The following MCOLN2 variants were observed in gnomAD, a reference collection of about 807,000 sequenced individuals.
MCOLN2 encodes mucolipin-2.
MCOLN2 carries 57 observed loss-of-function variants against 67.5 expected under a neutral mutation model. The ratio of observed to expected loss-of-function variants is 0.84; its 90% confidence interval spans 0.68 to 1.05. The LOEUF is 1.05. MCOLN2 is among the 50% of genes least tolerant of loss of function. MCOLN2 has a pLI of 0.00. For synonymous variants in MCOLN2, 246 were observed against 233.3 expected (o/e 1.05, Z -0.50); for missense variants, 620 against 678.8 (o/e 0.91, Z 0.96).
intron 6 of MCOLN2, 35 bp downstream of exon 6, chr1:84,952,208 T>C: frequency 2.7e-6 from 4 of 1,457,190 alleles, no homozygotes; most frequent in Non-Finnish European, 3.8e-6. Flanking sequence ...AGGAAAAAAA[T>C]AAAAGGAAGT....
chr1:84,947,142 C>T lies in MCOLN2; in HGVS notation c.748-10G>A, dbSNP rs1162432032. 1 of 1,348,260 alleles carries T rather than the reference C, an allele frequency of 7.4e-7. No homozygotes were observed. Among genetic ancestry groups the T allele is most frequent in the Non-Finnish European group, 1.1e-6 (1 of 939,986 alleles). 83.5% of individuals were successfully genotyped at this position (1,348,260 alleles called of 1,614,324 possible). ...TATTGTCAAAGATAATCTGGAGACACAAATGTATAGCGAGATTACAACACA... is the reference window on the plus strand; with the variant it reads ...TATTGTCAAAGATAATCTGGAGACATAAATGTATAGCGAGATTACAACACA... On this transcript the variant is annotated splice_polypyrimidine_tract_variant and intron_variant, in intron 6 of 13. Transcript: ENST00000370608.
chr1:84,988,367 A>T (rs1348301567), intron 1 of MCOLN2, among the ~76,000 whole-genome samples: 1 of 152,084 alleles, frequency 6.6e-6, no homozygotes, highest in Admixed American at 6.6e-5. Flanking sequence ...GAGGATTTTT[A>T]AAATATTTCA....
rs145089427 is a variant in MCOLN2 at position 84,952,447 on chromosome 1, G to A, written c.649C>T (p.Arg217Trp). ...AATAACACTTTAAAATGTATTTACC[G>A]ATAAAATTCCAGTCTGAAGAATGAT... ...NSSFFRLEFYRLLQVEISFHL... is the reference protein window; with the variant it reads ...NSSFFRLEFYWLLQVEISFHL... The change falls in exon 5 of 14, where the codon CGG becomes TGG. Residue 217 changes from arginine (R) to tryptophan (W), a missense_variant and splice_region_variant. Arg to Trp is a moderately radical substitution (Grantham distance 101). Transcript: ENST00000370608. 7.0e-5 allele frequency: 112 copies of A among 1,608,700 alleles called. No individual in the cohort carries two copies. The highest frequency in any genetic ancestry group is 6.6e-4 in the Middle Eastern group (4 of 6,074).
chr1:84,950,276 T>C (rs896635331), intron 6 of MCOLN2, among the ~76,000 whole-genome samples: 1 of 152,220 alleles, frequency 6.6e-6, no homozygotes, highest in Non-Finnish European at 1.5e-5. Flanking sequence ...TTTTACTAAA[T>C]ACAGGATATC....
Position 84,931,408 on chromosome 1 carries a change from A to G in MCOLN2, c.1496T>C (p.Leu499Pro). 1 of 1,596,754 alleles carries G rather than the reference A, an allele frequency of 6.3e-7. No individual in the cohort carries two copies. Among genetic ancestry groups the G allele is most frequent in the Non-Finnish European group, 8.6e-7 (1 of 1,164,346 alleles). ...SFISLFIYMI[L>P]SLFIALITDS... ...TGTAATAAGTGCAATAAAAAGACTG[A>G]GAATCATATATATAAAAAGGCTGAT... The change falls in exon 12 of 14, where the codon CTC (leucine) becomes CCC (proline). Residue 499 changes from leucine to proline, a missense_variant. Physicochemically the swap from Leu to Pro is moderately conservative, Grantham distance 98. Coordinates refer to ENST00000370608, the MANE Select transcript of MCOLN2 (RefSeq NM_153259.4).
In MCOLN2 at chr1:84,926,741, A is replaced by G. The variant is rs769405574; in HGVS notation, c.1665-20T>C. On this transcript the variant is annotated intron_variant, in intron 13 of 13. Coordinates refer to ENST00000370608, the MANE Select transcript of MCOLN2 (RefSeq NM_153259.4). ...CTTTTCCTGTAACAGAAAGGGAAAG[A>G]AGAAAAGAGGAAAGATACAATACTT... 3.2e-6 allele frequency: 5 copies of G among 1,583,254 alleles called. No individual in the cohort carries two copies. The Admixed American group carries it at 6.8e-5, about 22-fold the overall frequency.
At chr1:84,937,527 A>C (rs1214192645) in intron 11 of MCOLN2, 2 of 1,147,134 alleles carry the variant, frequency 1.7e-6, no homozygotes, top group African/African-American at 3.2e-5. Flanking sequence ...AGTCCCAGAC[A>C]ACTATAATAC....
intron 3 of MCOLN2, 129 bp downstream of exon 3, chr1:84,958,400 A>AT (rs1648901816): frequency 1.5e-6 from 1 of 661,528 alleles, no homozygotes; most frequent in South Asian, 2.7e-5. Flanking sequence ...AGCAATAAAC[A>AT]TTTTTTGGCA....
chr1:84,970,332 T>C (rs1649608189), intron 1 of MCOLN2, among the ~76,000 whole-genome samples: 1 of 146,464 alleles, frequency 6.8e-6, no homozygotes, highest in South Asian at 2.2e-4. Context: ...GAAGAAGTTG[T>C]TTTCTCGAAA....
At chr1:84,967,852 G>A (rs1649462790) in intron 1 of MCOLN2, among the ~76,000 whole-genome samples, 1 of 141,040 alleles carries the variant, frequency 7.1e-6, no homozygotes, top group African/African-American at 2.7e-5. Flanking sequence ...AAGGGAGAGA[G>A]GGAGGGAAGG....
At chr1:84,981,107 TC>T (rs1359024754) in intron 1 of MCOLN2, among the ~76,000 whole-genome samples, 4 of 152,050 alleles carry the variant, frequency 2.6e-5, no homozygotes, top group African/African-American at 9.7e-5. Flanking sequence ...CAATGAGATA[TC>T]ATCTCACCCC....
intron 1 of MCOLN2, among the ~76,000 whole-genome samples, chr1:84,993,877 G>A (rs1446809865): frequency 3.0e-4 from 46 of 151,658 alleles, no homozygotes; most frequent in Admixed American, 1.3e-4. Flanking sequence ...TGATCCACCC[G>A]CCTCGGCCTC....
intron 6 of MCOLN2, among the ~76,000 whole-genome samples, chr1:84,951,060 A>G (rs766926010): frequency 7.2e-5 from 11 of 152,158 alleles, no homozygotes; most frequent in Non-Finnish European, 1.5e-4. Flanking sequence ...ATCCCTGCAG[A>G]TGCTCCCAGT....
At chr1:84,937,662 C>A in intron 11 of MCOLN2, 93 bp downstream of exon 11, 9 of 1,560,276 alleles carry the variant, frequency 5.8e-6, no homozygotes, top group Non-Finnish European at 7.8e-6. Context: ...AGGGTACATG[C>A]TAGAGAAGAC....
At chr1:84,930,552 G>A (rs1661357969) in intron 12 of MCOLN2, among the ~76,000 whole-genome samples, 1 of 152,112 alleles carries the variant, frequency 6.6e-6, no homozygotes. Context: ...CTCTGTGGCA[G>A]GAGTGTGCAC....
chr1:84,983,762 C>T (rs1415287525), intron 1 of MCOLN2, among the ~76,000 whole-genome samples: 2 of 151,018 alleles, frequency 1.3e-5, no homozygotes, highest in South Asian at 2.1e-4. Flanking sequence ...CTGCAACCTC[C>T]GCCTCCCGGG....
intron 11 of MCOLN2, among the ~76,000 whole-genome samples, chr1:84,932,070 A>G (rs1203042436): frequency 6.6e-6 from 1 of 151,886 alleles, no homozygotes; most frequent in African/African-American, 2.4e-5. Context: ...ATACTCTCAA[A>G]GTTAATCTCT....
rs1267633650 is a variant in MCOLN2, at chr1:84,952,469, T to C, written c.627A>G (p.Ser209=). ...ACCGATAAAATTCCAGTCTGAAGAA[T>C]GATGAGTTCTTCCAGTCCGGAGGCT... is the stretch of plus-strand genomic sequence containing the variant. ...SKKPPDWKNS[S]FFRLEFYRLL... Residue 209 remains serine (S), a synonymous_variant, in exon 5 of 14, where the codon TCA becomes TCG. Transcript: ENST00000370608. 4 of 1,612,042 alleles carry C rather than the reference T, an allele frequency of 2.5e-6. No individual in the cohort carries two copies. The highest frequency in any genetic ancestry group is 2.5e-6 in the Non-Finnish European group (3 of 1,178,228).
chr1:84,947,439 C>A (rs1648176571), intron 6 of MCOLN2, among the ~76,000 whole-genome samples: 1 of 152,170 alleles, frequency 6.6e-6, no homozygotes, highest in South Asian at 2.1e-4. Flanking sequence ...AAGCCCAGGA[C>A]AGCAACATAG....
Sources: gnomAD v4.1 joint callset for allele counts (sites outside exome capture counted in the v4.1 genomes callset) on GRCh38, gnomAD v4.1.1 for gene constraint, MANE v1.5 for transcripts, NCBI Gene and HGNC (gene_info 2026-07-23, HGNC 2026-07-21) for gene names.